Variants in NMNAT3 observed in about 807,000 individuals in gnomAD.
The protein encoded by NMNAT3 is nicotinamide/nicotinic acid mononucleotide adenylyltransferase 3.
Under a neutral mutation model 24.8 loss-of-function variants are expected in NMNAT3, and 21 were observed. The observed-to-expected ratio is 0.85, with a 90% CI of 0.60 to 1.22. The LOEUF (loss-of-function observed/expected upper bound fraction) is 1.22, where lower values mean the gene tolerates loss of function less well. Among genes scored for constraint, NMNAT3 ranks in the 50% most tolerant of loss-of-function variants. NMNAT3 has a pLI of 0.00. For synonymous variants in NMNAT3, 136 were observed against 155.2 expected (o/e 0.88, Z 0.92); for missense variants, 387 against 436.6 (o/e 0.89, Z 1.01).
intron 3 of NMNAT3, among the ~76,000 whole-genome samples, chr3:139,620,136 G>C (rs4683607): frequency 0.33 from 48,434 of 148,718 alleles, 7,972 homozygotes; most frequent in Admixed American, 0.44. Context: ...CTATTTATTT[G>C]TTGTGTCTTT....
chr3:139,578,762 A>C, intron 5 of NMNAT3, 110 bp downstream of exon 5: 1 of 878,182 alleles, frequency 1.1e-6, no homozygotes, highest in Admixed American at 2.9e-5. Flanking sequence ...ATTTGCTGAG[A>C]AGGTCTGGCA....
chr3:139,668,992 C>G (rs1214845354), intron 1 of NMNAT3, among the ~76,000 whole-genome samples: 1 of 152,224 alleles, frequency 6.6e-6, no homozygotes, highest in East Asian at 1.9e-4. Flanking sequence ...AATTTTAACA[C>G]TAAACCCTAT....
Position 139,578,989 on chromosome 3 carries a change from G to T in NMNAT3, c.458C>A (p.Ala153Glu), listed in dbSNP as rs372045832. The stretch of plus-strand genomic sequence containing the variant: ...CATGGCCACTCGGTGATGAGAAGCT[G>T]CGAGGTCTTTCTTCCCATAGGTGTC... The change falls in exon 5 of 7, where the codon GCA becomes GAA. Residue 153 changes from alanine (A) to glutamate (E), a missense_variant. Coordinates refer to ENST00000643695, the MANE Select transcript of NMNAT3 (RefSeq NM_001320510.2). 2 of 1,614,204 alleles carry T rather than the reference G, an allele frequency of 1.2e-6. No individual in the cohort carries two copies. Among genetic ancestry groups the T allele is most frequent in the Non-Finnish European group, 8.5e-7 (1 of 1,180,028 alleles).
At chr3:139,579,357 C>T (rs10935337) in intron 4 of NMNAT3, among the ~76,000 whole-genome samples, 48,908 of 151,962 alleles carry the variant, frequency 0.32, 8,606 homozygotes, top group East Asian at 0.59. Context: ...GCAGTGAGGA[C>T]AGTTAGGATC....
chr3:139,569,521 C>T (rs1465432512), intron 6 of NMNAT3: 1 of 152,118 alleles, frequency 6.6e-6, no homozygotes, highest in Non-Finnish European at 1.5e-5. Context: ...TTCAGGAGCT[C>T]TTTTAGGGCA....
rs1483154491 is a variant in NMNAT3 at position 139,622,849 on chromosome 3, T to A, written c.109+4767A>T. Reference sequence around the variant, plus strand: ...GATATATAATATATATTATATATATTATATATATATATATATAAACAGTAT... The same window carrying A: ...GATATATAATATATATTATATATATAATATATATATATATATAAACAGTAT... On this transcript the variant is annotated intron_variant, in intron 3 of 6. Coordinates refer to ENST00000643695, the MANE Select transcript of NMNAT3 (RefSeq NM_001320510.2). Among the ~76,000 whole-genome samples the A allele has an allele frequency of 1.0e-4, 6 of 57,848 alleles. No homozygotes were observed. In the South Asian group the frequency reaches 1.4e-3, roughly 14 times the overall value. 38.0% of individuals were successfully genotyped at this position (57,848 alleles called of 152,430 possible).
chr3:139,595,655 C>T (rs895746774), intron 3 of NMNAT3, among the ~76,000 whole-genome samples: 15 of 152,014 alleles, frequency 9.9e-5, no homozygotes, highest in African/African-American at 9.7e-5. Context: ...GAAATAACGC[C>T]GCATATCTAC....
At position 139,632,181 on chromosome 3, in the gene NMNAT3, A is replaced by AT. The variant is rs547209396; in HGVS notation, c.-40-4418dup. Among the ~76,000 whole-genome samples the AT allele has an allele frequency of 3.1e-4, 47 of 152,144 alleles. No individual in the cohort carries two copies. In the South Asian group the frequency reaches 6.8e-3, roughly 22 times the overall value. ...AGTCAGTGTCTATCCCTGACCAAGTATTTTTGTCAGATGTCTACCTCCTCT... is the reference window on the plus strand; with the variant it reads ...AGTCAGTGTCTATCCCTGACCAAGTATTTTTTGTCAGATGTCTACCTCCTCT... On this transcript the variant is annotated intron_variant, in intron 2 of 6. Transcript: ENST00000643695.
In NMNAT3 at chr3:139,583,150, T is replaced by C; in HGVS notation, c.168A>G (p.Ser56=). 7.4e-7 allele frequency: 1 copy of C among 1,359,252 alleles called. No homozygotes were observed. The highest frequency in any genetic ancestry group is 1.0e-6 in the Non-Finnish European group (1 of 956,338). 84.2% of individuals were successfully genotyped at this position (1,359,252 alleles called of 1,614,324 possible). ...GCAGATGAAAAGAAATATCTTTTAT[T>C]GAGATAGACTGAGGTCCAGGAAAAA... The change falls in exon 4 of 7, where the codon TCA becomes TCG. Residue 56 remains serine (S), a synonymous_variant. Coordinates refer to ENST00000643695, the MANE Select transcript of NMNAT3 (RefSeq NM_001320510.2).
At chr3:139,622,109 T>C (rs2055804352) in intron 3 of NMNAT3, among the ~76,000 whole-genome samples, 1 of 152,210 alleles carries the variant, frequency 6.6e-6, no homozygotes, top group African/African-American at 2.4e-5. Context: ...TGTAGTGGGA[T>C]TGCTGAATCA....
In NMNAT3 at chr3:139,599,609, CTG is replaced by C. The variant is rs1207392026; in HGVS notation, c.110-16403_110-16402del. The C allele has an allele frequency of 1.6e-5, 9 of 577,782 alleles. No homozygotes were observed. In the African/African-American group the frequency reaches 1.7e-4, roughly 11 times the overall value. The allele number at this position is 577,782 out of a possible 1,614,324, so 35.8% of individuals were successfully genotyped here. A position where few individuals can be genotyped will look rare whatever the true frequency, so the allele number is the denominator to read the frequency against. The stretch of plus-strand genomic sequence containing the variant: ...GGTTATGCATGCCTTTACAAACAGA[CTG>C]TTGTGATTAAACCTCGCCTCTAAGT... On this transcript the variant is annotated intron_variant, in intron 3 of 6. Coordinates refer to ENST00000643695, the MANE Select transcript of NMNAT3 (RefSeq NM_001320510.2).
intron 2 of NMNAT3, chr3:139,634,957 TAA>T (rs1354133549): frequency 6.6e-6 from 1 of 152,156 alleles, no homozygotes; most frequent in Non-Finnish European, 1.5e-5. Flanking sequence ...TGCTTTCTGG[TAA>T]AGAGTCCAAT....
At chr3:139,638,718 T>C (rs1203652372) in intron 1 of NMNAT3, among the ~76,000 whole-genome samples, 1 of 152,198 alleles carries the variant, frequency 6.6e-6, no homozygotes, top group African/African-American at 2.4e-5. Context: ...CTGTCTTTTT[T>C]CCAGTCTCAC....
At chr3:139,566,561 A>G (rs1937254131) in intron 6 of NMNAT3, 3 of 152,146 alleles carry the variant, frequency 2.0e-5, no homozygotes, top group Admixed American at 6.5e-5. Context: ...GAAGGGATCC[A>G]GTTTCAGCTT....
intron 3 of NMNAT3, among the ~76,000 whole-genome samples, chr3:139,618,087 T>C (rs1037116669): frequency 6.6e-6 from 1 of 152,212 alleles, no homozygotes; most frequent in South Asian, 2.1e-4. Flanking sequence ...AAGGCAAAGA[T>C]GTACCCATGA....
chr3:139,573,707 G>A lies in NMNAT3; in HGVS notation c.576-27C>T, dbSNP rs757167751. 7 of 1,393,686 alleles carry A rather than the reference G, an allele frequency of 5.0e-6. No homozygotes were observed. The South Asian group carries it at 9.7e-5, about 19-fold the overall frequency. 86.3% of individuals were successfully genotyped at this position (1,393,686 alleles called of 1,614,324 possible). On this transcript the variant is annotated intron_variant, in intron 5 of 6. Transcript: ENST00000643695. ...TGTGTTGTAAACATATGGGCTCAGG[G>A]TATGTCTGTCCTCCAGCCCTCAAAG... is the stretch of plus-strand genomic sequence containing the variant.
intron 1 of NMNAT3, among the ~76,000 whole-genome samples, chr3:139,639,941 C>T (rs745883135): frequency 3.3e-5 from 5 of 152,252 alleles, no homozygotes; most frequent in Non-Finnish European, 1.5e-5. Flanking sequence ...GACCACACTC[C>T]TTCCATATAT....
intron 1 of NMNAT3, among the ~76,000 whole-genome samples, chr3:139,673,531 C>T (rs181101111): frequency 6.6e-6 from 1 of 152,240 alleles, no homozygotes; most frequent in East Asian, 1.9e-4. Context: ...ACTTTTGGCC[C>T]CTCTGTCTAT....
At chr3:139,585,090 A>G (rs1272470000) in intron 3 of NMNAT3, among the ~76,000 whole-genome samples, 1 of 152,108 alleles carries the variant, frequency 6.6e-6, no homozygotes, top group East Asian at 1.9e-4. Context: ...TTACACATCA[A>G]TTTGATGCTG....
Sources: allele counts gnomAD v4.1 joint callset (sites outside exome capture counted in the v4.1 genomes callset), GRCh38; gene constraint gnomAD v4.1.1; transcripts MANE v1.5; gene names NCBI Gene and HGNC (gene_info 2026-07-23, HGNC 2026-07-21).